MBD5: variants seen among roughly 807,000 people sequenced by gnomAD.
The protein encoded by MBD5 is methyl-CpG-binding domain protein 5.
In MBD5, 13 loss-of-function variants were observed where a neutral mutation model predicts 117.3. The observed-to-expected ratio is 0.11, with a 90% CI of 0.07 to 0.18. The LOEUF (loss-of-function observed/expected upper bound fraction) is 0.18. Among genes scored for constraint, MBD5 ranks in the 10% least tolerant of loss-of-function variants. MBD5 has a pLI of 1.00. For missense variants in MBD5, 1,879 were observed against 2,093.8 expected (o/e 0.90, Z 2.00); for synonymous variants, 727 against 766.4 (o/e 0.95, Z 0.85).
chr2:148,415,848 C>G (rs900362316), intron 4 of MBD5, among the ~76,000 whole-genome samples: 1 of 152,128 alleles, frequency 6.6e-6, no homozygotes, highest in Non-Finnish European at 1.5e-5. Flanking sequence ...ATCATTACAT[C>G]TTTCAGCTCT....
chr2:148,439,723 T>C (rs1706261068), intron 4 of MBD5, among the ~76,000 whole-genome samples: 1 of 151,292 alleles, frequency 6.6e-6, no homozygotes, highest in Admixed American at 6.6e-5. Context: ...TTGTCACCTA[T>C]GTTCATTCTC....
At chr2:148,407,965 T>C (rs1574391961) in intron 4 of MBD5, among the ~76,000 whole-genome samples, 1 of 152,214 alleles carries the variant, frequency 6.6e-6, no homozygotes, top group Admixed American at 6.5e-5. Context: ...AGAATTAATA[T>C]ATGCTCCCAC....
intron 1 of MBD5, among the ~76,000 whole-genome samples, chr2:148,120,804 C>T (rs1018839578): frequency 6.6e-6 from 1 of 152,164 alleles, no homozygotes; most frequent in Non-Finnish European, 1.5e-5. Context: ...TGTCTGGAAA[C>T]TCCAGTACAA....
intron 1 of MBD5, among the ~76,000 whole-genome samples, chr2:148,130,968 A>G (rs1395505815): frequency 6.6e-6 from 1 of 152,230 alleles, no homozygotes; most frequent in Non-Finnish European, 1.5e-5. Flanking sequence ...TGAAAACTGC[A>G]TCCATCCATA....
chr2:148,064,264 C>A (rs1308284360), intron 1 of MBD5, among the ~76,000 whole-genome samples: 4 of 151,684 alleles, frequency 2.6e-5, no homozygotes, highest in Non-Finnish European at 4.4e-5. Context: ...CACAGGTGCC[C>A]GCCACCACGC....
chr2:148,159,703 A>G (rs1177371034), intron 1 of MBD5, among the ~76,000 whole-genome samples: 1 of 152,138 alleles, frequency 6.6e-6, no homozygotes, highest in Non-Finnish European at 1.5e-5. Flanking sequence ...TTGGCAAATA[A>G]CTCAAAACTC....
chr2:148,353,158 C>T (rs1224573478), intron 4 of MBD5, among the ~76,000 whole-genome samples: 1 of 152,024 alleles, frequency 6.6e-6, no homozygotes, highest in Non-Finnish European at 1.5e-5. Context: ...ATTAAAGGTT[C>T]TGCTTTTAAC....
intron 3 of MBD5, among the ~76,000 whole-genome samples, chr2:148,336,505 G>T (rs1218362098): frequency 6.6e-6 from 1 of 152,046 alleles, no homozygotes; most frequent in Non-Finnish European, 1.5e-5. Context: ...TTCCATGTCA[G>T]CCTCCCTTGT....
At chr2:148,159,801 G>A (rs1407290851) in intron 1 of MBD5, among the ~76,000 whole-genome samples, 2 of 152,076 alleles carry the variant, frequency 1.3e-5, no homozygotes, top group African/African-American at 4.8e-5. Context: ...AACAACTCTA[G>A]TAAATATGAG....
At chr2:148,410,519 A>C (rs1705218307) in intron 4 of MBD5, among the ~76,000 whole-genome samples, 1 of 151,946 alleles carries the variant, frequency 6.6e-6, no homozygotes, top group South Asian at 2.1e-4. Context: ...AGCCTTGACC[A>C]CTCTGGCTCA....
chr2:148,324,248 T>G (rs1326767928), intron 3 of MBD5, among the ~76,000 whole-genome samples: 1 of 152,212 alleles, frequency 6.6e-6, no homozygotes, highest in Admixed American at 6.5e-5. Flanking sequence ...TACTGTAGCC[T>G]TGTAGTATAG....
intron 12 of MBD5, among the ~76,000 whole-genome samples, chr2:148,509,503 G>A (rs1341305900): frequency 6.6e-6 from 1 of 152,218 alleles, no homozygotes; most frequent in Non-Finnish European, 1.5e-5. Flanking sequence ...TGGGGGGCAG[G>A]CTCCGGAGCC....
chr2:148,105,452 C>A (rs1287794178), intron 1 of MBD5, among the ~76,000 whole-genome samples: 5 of 152,110 alleles, frequency 3.3e-5, no homozygotes, highest in African/African-American at 9.7e-5. Flanking sequence ...CTCCTGACCT[C>A]AAGTAATCTG....
At chr2:148,162,437 T>C (rs1698028147) in intron 1 of MBD5, among the ~76,000 whole-genome samples, 1 of 152,258 alleles carries the variant, frequency 6.6e-6, no homozygotes, top group South Asian at 2.1e-4. Context: ...TAGGCTGATG[T>C]TAATTTATTT....
chr2:148,171,961 C>T (rs1227344756), intron 1 of MBD5, among the ~76,000 whole-genome samples: 1 of 152,178 alleles, frequency 6.6e-6, no homozygotes, highest in African/African-American at 2.4e-5. Context: ...TCACTTGACA[C>T]CAGGAGTTCA....
At chr2:148,180,186 A>G (rs1160470192) in intron 2 of MBD5, among the ~76,000 whole-genome samples, 1 of 151,184 alleles carries the variant, frequency 6.6e-6, no homozygotes, top group East Asian at 1.9e-4. Flanking sequence ...AAGTGATATT[A>G]CTTATTTCTA....
chr2:148,474,247 A>G (rs12475202), intron 8 of MBD5, among the ~76,000 whole-genome samples: 129,750 of 152,132 alleles, frequency 0.85, 56,885 homozygotes, highest in South Asian at 0.98. Flanking sequence ...GGCCTCTTTA[A>G]TCCTCTGACT....
intron 1 of MBD5, among the ~76,000 whole-genome samples, chr2:148,104,509 A>T (rs1696317119): frequency 6.6e-6 from 1 of 152,132 alleles, no homozygotes; most frequent in African/African-American, 2.4e-5. Flanking sequence ...ACAAAAAATG[A>T]TTGTCATTTA....
intron 4 of MBD5, among the ~76,000 whole-genome samples, chr2:148,355,634 T>C (rs1047536579): frequency 3.3e-5 from 5 of 152,190 alleles, no homozygotes; most frequent in African/African-American, 1.2e-4. Flanking sequence ...GTTCCATTGG[T>C]CTATATATCT....
Sources: gnomAD v4.1 joint callset for allele counts (sites outside exome capture counted in the v4.1 genomes callset) on GRCh38, gnomAD v4.1.1 for gene constraint, MANE v1.5 for transcripts, NCBI Gene and HGNC (gene_info 2026-07-23, HGNC 2026-07-21) for gene names.